The following SOX6 variants were observed in gnomAD, a reference collection of about 807,000 sequenced individuals.
The protein encoded by SOX6 is SRY-box transcription factor 6, also known as transcription factor SOX-6.
In SOX6, 11 loss-of-function variants were observed where a neutral mutation model predicts 97.8. That is an observed-to-expected ratio of 0.11 (90% CI 0.07 to 0.19). SOX6 has a LOEUF of 0.19. SOX6 is among the 10% of genes least tolerant of loss of function. The probability of loss-of-function intolerance (pLI) is 1.00; values close to 1 mark genes in which losing one functional copy is unlikely to be tolerated. For missense variants in SOX6, 810 were observed against 1,039.5 expected (o/e 0.78, Z 3.04); for synonymous variants, 360 against 371.4 (o/e 0.97, Z 0.35).
chr11:16,267,598 A>G (rs1854118473), intron 3 of SOX6, among the ~76,000 whole-genome samples: 1 of 151,556 alleles, frequency 6.6e-6, no homozygotes, highest in Non-Finnish European at 1.5e-5. Context: ...GTTAGTGGGT[A>G]TGTAAGTTAG....
chr11:16,394,308 T>C (rs114164817), intron 1 of SOX6, among the ~76,000 whole-genome samples: 1 of 152,050 alleles, frequency 6.6e-6, no homozygotes, highest in African/African-American at 2.4e-5. Context: ...AATAAAAACA[T>C]AAGGTGCAAT....
intron 1 of SOX6, among the ~76,000 whole-genome samples, chr11:16,446,816 A>T (rs564362989): frequency 6.6e-6 from 1 of 152,170 alleles, no homozygotes; most frequent in East Asian, 1.9e-4. Flanking sequence ...AGGTTTAATT[A>T]TTTAAGATAT....
chr11:16,238,239 C>G (rs974580053), intron 3 of SOX6, among the ~76,000 whole-genome samples: 1 of 151,966 alleles, frequency 6.6e-6, no homozygotes, highest in South Asian at 2.1e-4. Flanking sequence ...TATAAATTAT[C>G]AGTTGCATTG....
intron 10 of SOX6, among the ~76,000 whole-genome samples, chr11:16,054,420 C>G (rs1451449221): frequency 1.3e-5 from 2 of 152,050 alleles, no homozygotes; most frequent in Admixed American, 1.3e-4. Context: ...TGTCATATCT[C>G]AATATTTCTA....
In SOX6 at chr11:16,259,472, T is replaced by C. The variant is rs143118906; in HGVS notation, c.446-24801A>G. On this transcript the variant is annotated intron_variant, in intron 3 of 15. Coordinates refer to ENST00000683767, the MANE Select transcript of SOX6 (RefSeq NM_001367873.1). The stretch of plus-strand genomic sequence containing the variant: ...TGTAAACACAAAGGCCCATAATCAG[T>C]AAAAAAAATTTTGAGTAAGAACAAA... Among the ~76,000 whole-genome samples, 37 of 151,996 alleles carry C rather than the reference T, an allele frequency of 2.4e-4. No individual in the cohort carries two copies. In the East Asian group the frequency reaches 5.4e-3, roughly 22 times the overall value.
At chr11:16,680,529 G>A (rs571800656) in intron 3 of SOX6, among the ~76,000 whole-genome samples, 9 of 152,248 alleles carry the variant, frequency 5.9e-5, no homozygotes, top group African/African-American at 1.9e-4. Context: ...GACAATAGAC[G>A]CTATGAAGAA....
rs573037823 is a variant in SOX6 at position 16,384,886 on chromosome 11, T to C, written c.-4-43634A>G. Among the ~76,000 whole-genome samples the C allele has an allele frequency of 3.3e-5, 5 of 152,162 alleles. No homozygotes were observed. In the South Asian group the frequency reaches 1.0e-3, roughly 32 times the overall value. On this transcript the variant is annotated intron_variant, in intron 1 of 15. Coordinates refer to the SOX6 transcript ENST00000396356. ...TGGAATTGTCCCACTGAAGACCATG[T>C]ACAATTAATAGAGAAAATGCCAGAG...
At chr11:16,648,138 A>G (rs1326983419) in intron 3 of SOX6, among the ~76,000 whole-genome samples, 1 of 152,160 alleles carries the variant, frequency 6.6e-6, no homozygotes, top group Non-Finnish European at 1.5e-5. Flanking sequence ...GTTTCTTAGC[A>G]GGGTAGCTCA....
intron 4 of SOX6, among the ~76,000 whole-genome samples, chr11:16,197,464 A>C (rs1851814229): frequency 6.6e-6 from 1 of 152,242 alleles, no homozygotes; most frequent in African/African-American, 2.4e-5. Context: ...GTAACAGGCA[A>C]GTAACACAGA....
intron 1 of SOX6, among the ~76,000 whole-genome samples, chr11:16,439,580 C>T (rs1385007187): frequency 6.6e-6 from 1 of 152,162 alleles, no homozygotes; most frequent in Non-Finnish European, 1.5e-5. Flanking sequence ...ATAAATTACA[C>T]AGCTACAGCA....
intron 3 of SOX6, among the ~76,000 whole-genome samples, chr11:16,665,218 GA>G (rs1204500429): frequency 6.6e-6 from 1 of 151,986 alleles, no homozygotes; most frequent in Non-Finnish European, 1.5e-5. Flanking sequence ...ATACCAGTGG[GA>G]TAGAGCAACA....
intron 3 of SOX6, among the ~76,000 whole-genome samples, chr11:16,264,160 C>T (rs193139538): frequency 1.3e-5 from 2 of 151,878 alleles, no homozygotes; most frequent in East Asian, 3.9e-4. Flanking sequence ...TACTAATCCC[C>T]ATCCCATCCA....
intron 1 of SOX6, among the ~76,000 whole-genome samples, chr11:16,365,716 G>C (rs1196684512): frequency 1.3e-5 from 2 of 152,108 alleles, no homozygotes; most frequent in Non-Finnish European, 2.9e-5. Context: ...AGAAATTTCA[G>C]TCACCAGATT....
intron 1 of SOX6, among the ~76,000 whole-genome samples, chr11:16,369,940 T>G (rs1565117020): frequency 6.6e-6 from 1 of 152,152 alleles, no homozygotes. Context: ...CAAAAGACAT[T>G]TATGGCTGCA....
intron 3 of SOX6, among the ~76,000 whole-genome samples, chr11:16,623,061 C>A (rs1173977313): frequency 6.6e-6 from 1 of 151,920 alleles, no homozygotes; most frequent in Admixed American, 6.6e-5. Flanking sequence ...CAGTCTGTCA[C>A]CCAGCCTGGA....
chr11:16,605,156 C>T lies in SOX6; in HGVS notation n.609+6925G>A, dbSNP rs1848319740. ...GCCCGGGAGCAGCGGACCGCGGCCC[C>T]GGCTGCAGAGGAACGGCGGGTGGCG... On this transcript the variant is annotated intron_variant and non_coding_transcript_variant, in intron 4 of 5. Coordinates refer to the SOX6 transcript ENST00000524520. This position sits in a 1 kb window ranked among gnomAD's most constrained non-coding sequence, Gnocchi z 5.3. 6.6e-6 allele frequency among the ~76,000 whole-genome samples: 1 copy of T among 151,936 alleles called. No individual in the cohort carries two copies. The highest frequency in any genetic ancestry group is 2.4e-5 in the African/African-American group (1 of 41,406).
chr11:16,699,242 G>A (rs561546736), intron 3 of SOX6, among the ~76,000 whole-genome samples: 1 of 151,882 alleles, frequency 6.6e-6, no homozygotes, highest in African/African-American at 2.4e-5. Context: ...CTTAGGAATT[G>A]GATATTACTA....
At chr11:16,589,942 AAGCTACATGCTATC>A (rs1443013051) in intron 4 of SOX6, among the ~76,000 whole-genome samples, 5 of 152,216 alleles carry the variant, frequency 3.3e-5, no homozygotes, top group African/African-American at 1.2e-4. Context: ...AAAGATAAAA[AAGCTACATGCTATC>A]AGAATAACAC....
chr11:16,490,176 C>T (rs1368889022), intron 4 of SOX6, among the ~76,000 whole-genome samples: 2 of 151,970 alleles, frequency 1.3e-5, no homozygotes, highest in African/African-American at 4.8e-5. Context: ...CTCAACTCTG[C>T]CATCATAGAG....
Sources: allele counts gnomAD v4.1 joint callset (sites outside exome capture counted in the v4.1 genomes callset), GRCh38; gene constraint gnomAD v4.1.1; non-coding constraint Gnocchi (gnomAD v3.1); transcripts MANE v1.5; gene names NCBI Gene and HGNC (gene_info 2026-07-23, HGNC 2026-07-21).